ABCA12: variants seen among roughly 807,000 people sequenced by gnomAD.
The protein encoded by ABCA12 is glucosylceramide transporter ABCA12.
ABCA12 carries 156 observed loss-of-function variants against 293.5 expected under a neutral mutation model. That is an observed-to-expected ratio of 0.53 (90% confidence interval 0.47 to 0.61). The LOEUF (loss-of-function observed/expected upper bound fraction) is 0.61, where lower values mean the gene tolerates loss of function less well. ABCA12 is among the 20% of genes least tolerant of loss of function. The probability of loss-of-function intolerance (pLI) is 0.00; values close to 1 mark genes in which losing one functional copy is unlikely to be tolerated. For synonymous variants in ABCA12, 1,063 were observed against 1,108.0 expected (o/e 0.96, Z 0.81); for missense variants, 2,797 against 3,090.2 (o/e 0.91, Z 2.25).
chr2:214,990,874 A>T lies in ABCA12; in HGVS notation c.3452T>A (p.Phe1151Tyr), dbSNP rs775765786. ...KTNGFILFLY[F>Y]SDYSFSVIAM... ...AATAACCGAGAAGCTGTAGTCCGAA[A>T]AATACAGGAACAAAATGAACCCATT... The change falls in exon 24 of 53, where the codon TTT becomes TAT. Residue 1151 changes from phenylalanine (F) to tyrosine (Y), a missense_variant. Phe to Tyr is a conservative substitution (Grantham distance 22, BLOSUM62 3). This residue lies in a region of ABCA12 where 2,130 missense variants were observed against 2,427.0 expected (regional missense o/e 0.88). Coordinates refer to ENST00000272895, the MANE Select transcript of ABCA12 (RefSeq NM_173076.3). 3.1e-6 allele frequency: 5 copies of T among 1,614,144 alleles called. No individual in the cohort carries two copies. Among genetic ancestry groups the T allele is most frequent in the Non-Finnish European group, 4.2e-6 (5 of 1,179,992 alleles).
chr2:214,957,508 C>A (rs1698987112), intron 41 of ABCA12, among the ~76,000 whole-genome samples: 1 of 152,164 alleles, frequency 6.6e-6, no homozygotes, highest in South Asian at 2.1e-4. Flanking sequence ...GAAGTCATTA[C>A]TATTCTTTTA....
At chr2:215,094,707 T>C (rs1336216771) in intron 2 of ABCA12, among the ~76,000 whole-genome samples, 1 of 152,174 alleles carries the variant, frequency 6.6e-6, no homozygotes, top group Admixed American at 6.5e-5. Context: ...CTCAGCCCCA[T>C]GAATAGCAGT....
chr2:215,045,014 T>C (rs2106047637), intron 7 of ABCA12, among the ~76,000 whole-genome samples: 1 of 152,298 alleles, frequency 6.6e-6, no homozygotes, highest in Middle Eastern at 3.4e-3. Flanking sequence ...ACTTAATTTT[T>C]AGGACTGTTA....
At chr2:214,952,379 TC>T (rs1475582647) in intron 44 of ABCA12, among the ~76,000 whole-genome samples, 1 of 151,998 alleles carries the variant, frequency 6.6e-6, no homozygotes, top group Non-Finnish European at 1.5e-5. Context: ...TGCCATCACG[TC>T]CAGCTAGTTT....
In ABCA12 at chr2:215,119,752, A is replaced by AAAAAAAAAAAAAC; in HGVS notation, c.70-8063_70-8062insGTTTTTTTTTTTT. On this transcript the variant is annotated intron_variant, in intron 1 of 52. Transcript: ENST00000272895. ...TAAAAAGTAAAAAAAAAAAAAAAAA[A>AAAAAAAAAAAAAC]TGAAAACAAAACAAAAAAAAACAGA... Among the ~76,000 whole-genome samples the AAAAAAAAAAAAAC allele has an allele frequency of 1.4e-5, 2 of 143,012 alleles. 1 individual carries two copies. The highest frequency in any genetic ancestry group is 5.9e-5 in the African/African-American group (2 of 34,110). The allele number at this position is 143,012 out of a possible 152,430, so 93.8% of individuals were successfully genotyped here.
At chr2:214,947,639 A>G in intron 47 of ABCA12, 83 bp from the exon 48 acceptor site, 4 of 1,482,494 alleles carry the variant, frequency 2.7e-6, no homozygotes, top group Middle Eastern at 1.7e-4. Context: ...AAAGATGCTC[A>G]TGAAAAGAAA....
intron 36 of ABCA12, among the ~76,000 whole-genome samples, chr2:214,971,618 A>G (rs1361866640): frequency 1.3e-5 from 2 of 152,134 alleles, no homozygotes; most frequent in Non-Finnish European, 2.9e-5. Flanking sequence ...GGTTCTTTTC[A>G]CTCATTATTA....
At chr2:214,972,914 A>G (rs1699419298) in intron 36 of ABCA12, among the ~76,000 whole-genome samples, 1 of 152,080 alleles carries the variant, frequency 6.6e-6, no homozygotes, top group South Asian at 2.1e-4. Context: ...CCAAGGCTCA[A>G]GCTATCCTCT....
chr2:214,985,789 G>T (rs916958182), intron 28 of ABCA12, among the ~76,000 whole-genome samples: 1 of 152,140 alleles, frequency 6.6e-6, no homozygotes, highest in Non-Finnish European at 1.5e-5. Context: ...TCAAACAAGG[G>T]CTCGAGCACC....
intron 45 of ABCA12, among the ~76,000 whole-genome samples, chr2:214,950,510 A>ATT (rs10668551): frequency 0.34 from 48,301 of 140,470 alleles, 9,450 homozygotes; most frequent in South Asian, 0.46. Flanking sequence ...AATAATTAAG[A>ATT]TTTTTTTTTT....
chr2:215,134,659 A>C (rs1703171878), intron 1 of ABCA12, among the ~76,000 whole-genome samples: 1 of 146,270 alleles, frequency 6.8e-6, no homozygotes, highest in South Asian at 2.2e-4. Context: ...AGAGAGAGAG[A>C]GAGAGAGAGA....
At chr2:215,124,170 T>C (rs1015785843) in intron 1 of ABCA12, among the ~76,000 whole-genome samples, 3 of 152,230 alleles carry the variant, frequency 2.0e-5, no homozygotes, top group African/African-American at 7.2e-5. Context: ...ACTTGTTGAT[T>C]GATGGGCATT....
At chr2:214,995,261 G>C (rs1308278009) in intron 23 of ABCA12, among the ~76,000 whole-genome samples, 1 of 152,136 alleles carries the variant, frequency 6.6e-6, no homozygotes, top group Non-Finnish European at 1.5e-5. Flanking sequence ...AGAACGAAAA[G>C]GGGAGAATAT....
chr2:215,135,414 A>G (rs1299853576), intron 1 of ABCA12, among the ~76,000 whole-genome samples: 2 of 152,076 alleles, frequency 1.3e-5, no homozygotes, highest in Non-Finnish European at 2.9e-5. Context: ...TAGTCTTCCC[A>G]CCACCTTGCT....
At chr2:215,124,775 G>T (rs576864336) in intron 1 of ABCA12, among the ~76,000 whole-genome samples, 1 of 152,244 alleles carries the variant, frequency 6.6e-6, no homozygotes, top group East Asian at 1.9e-4. Flanking sequence ...TCTGCTGACT[G>T]TTCCTTTTGC....
intron 14 of ABCA12, 65 bp from the exon 15 acceptor site, chr2:215,015,728 G>T: frequency 6.7e-7 from 1 of 1,493,288 alleles, no homozygotes; most frequent in Non-Finnish European, 9.3e-7. Context: ...TTCATTTTGT[G>T]AGGTTTTCTG....
chr2:214,979,714 G>A (rs1367447362), intron 31 of ABCA12, among the ~76,000 whole-genome samples: 2 of 152,118 alleles, frequency 1.3e-5, no homozygotes, highest in Non-Finnish European at 2.9e-5. Context: ...GCCTGGGACA[G>A]TGCTTGGATA....
chr2:215,129,352 G>C (rs554658161), intron 1 of ABCA12, among the ~76,000 whole-genome samples: 1 of 152,306 alleles, frequency 6.6e-6, no homozygotes, highest in East Asian at 1.9e-4. Context: ...CCCTGGTGCT[G>C]CCTGATCTGC....
At chr2:215,021,435 T>A (rs770469232) in intron 11 of ABCA12, among the ~76,000 whole-genome samples, 3 of 152,214 alleles carry the variant, frequency 2.0e-5, no homozygotes, top group African/African-American at 7.2e-5. Flanking sequence ...ATCCTGTCAA[T>A]GATATTCCTC....
Sources: allele counts gnomAD v4.1 joint callset (sites outside exome capture counted in the v4.1 genomes callset), GRCh38; gene constraint gnomAD v4.1.1; regional missense constraint gnomAD v4.1.1; transcripts MANE v1.5; gene names NCBI Gene and HGNC (gene_info 2026-07-23, HGNC 2026-07-21).